The following UBR3 variants were observed in gnomAD, a reference collection of about 807,000 sequenced individuals.
UBR3 encodes the protein ubiquitin protein ligase E3 component n-recognin 3.
In UBR3, 85 loss-of-function variants were observed where a neutral mutation model predicts 243.2. The observed-to-expected ratio is 0.35, with a 90% CI of 0.29 to 0.42. UBR3 has a LOEUF of 0.42. Ranked by LOEUF, UBR3 falls within the 10% of genes least tolerant of loss-of-function variation. UBR3 has a pLI of 1.00. For synonymous variants in UBR3, 748 were observed against 799.8 expected (o/e 0.94, Z 1.09); for missense variants, 1,686 against 2,300.8 (o/e 0.73, Z 5.47).
At chr2:169,996,392 C>T (rs556530547) in intron 26 of UBR3, among the ~76,000 whole-genome samples, 2 of 152,250 alleles carry the variant, frequency 1.3e-5, no homozygotes, top group East Asian at 3.9e-4. Context: ...ATCTTTCATG[C>T]AGTAATCACC....
chr2:169,845,448 T>G lies in UBR3; in HGVS notation c.545+17396T>G, dbSNP rs539160633. 5.2e-4 allele frequency among the ~76,000 whole-genome samples: 55 copies of G among 105,588 alleles called. No homozygotes were observed. In the South Asian group the frequency reaches 0.012, roughly 23 times the overall value. 69.3% of individuals were successfully genotyped at this position (105,588 alleles called of 152,430 possible). ...AAAAAAAAAAAAAAGAAATTTTGAG[T>G]TTTTTTTTTTTCAGATTGTGACTAT... On this transcript the variant is annotated intron_variant, in intron 1 of 38. Coordinates refer to ENST00000272793, the MANE Select transcript of UBR3 (RefSeq NM_172070.4).
chr2:170,056,532 A>G (rs952251969), intron 33 of UBR3, among the ~76,000 whole-genome samples: 1 of 152,352 alleles, frequency 6.6e-6, no homozygotes, highest in Middle Eastern at 3.4e-3. Flanking sequence ...GACAGATAAA[A>G]GAAGAAAATT....
At chr2:169,856,024 C>T (rs1328998626) in intron 1 of UBR3, among the ~76,000 whole-genome samples, 1 of 152,056 alleles carries the variant, frequency 6.6e-6, no homozygotes, top group Non-Finnish European at 1.5e-5. Flanking sequence ...AGACGCTCCT[C>T]ACCTGCCAGA....
intron 1 of UBR3, among the ~76,000 whole-genome samples, chr2:169,841,783 G>C (rs925328047): frequency 6.6e-6 from 1 of 152,240 alleles, no homozygotes; most frequent in Non-Finnish European, 1.5e-5. Flanking sequence ...GGCAGGGCTC[G>C]GGACCTGCAG....
At chr2:170,080,299 C>T in intron 37 of UBR3, 2 of 566,882 alleles carry the variant, frequency 3.5e-6, no homozygotes, top group Non-Finnish European at 6.0e-6. Context: ...CAGAAGTCAT[C>T]TGTGCTGTTG....
At chr2:169,982,174 C>A (rs940317694) in intron 24 of UBR3, among the ~76,000 whole-genome samples, 10 of 152,104 alleles carry the variant, frequency 6.6e-5, no homozygotes, top group Admixed American at 5.2e-4. Flanking sequence ...TGCAAACCAG[C>A]TACTTGTGTT....
intron 10 of UBR3, among the ~76,000 whole-genome samples, chr2:169,907,353 T>C (rs891987099): frequency 5.3e-5 from 8 of 152,186 alleles, no homozygotes; most frequent in Non-Finnish European, 1.2e-4. Context: ...CCATATGATA[T>C]TTCCTTTTGT....
At chr2:169,909,454 C>CT (rs1463507615) in intron 10 of UBR3, among the ~76,000 whole-genome samples, 1 of 151,964 alleles carries the variant, frequency 6.6e-6, no homozygotes, top group African/African-American at 2.4e-5. Context: ...AAAAGTTGAG[C>CT]TTATAGAAGT....
chr2:169,911,398 T>C (rs1403059988), intron 10 of UBR3, among the ~76,000 whole-genome samples: 2 of 152,154 alleles, frequency 1.3e-5, no homozygotes, highest in African/African-American at 2.4e-5. Flanking sequence ...TGTACATCAT[T>C]TCACTTGCCT....
chr2:170,015,003 G>T, intron 29 of UBR3: 3 of 228,956 alleles, frequency 1.3e-5, no homozygotes, highest in Non-Finnish European at 1.7e-5. Context: ...CTAGTTTTTA[G>T]TATGTGCCAA....
At chr2:169,989,122 T>C (rs1363947715) in intron 25 of UBR3, among the ~76,000 whole-genome samples, 1 of 152,202 alleles carries the variant, frequency 6.6e-6, no homozygotes, top group Non-Finnish European at 1.5e-5. Context: ...TTAGAATTAT[T>C]TCGAAGCAGA....
At chr2:170,064,964 T>C (rs1206500464) in intron 35 of UBR3, among the ~76,000 whole-genome samples, 1 of 151,736 alleles carries the variant, frequency 6.6e-6, no homozygotes, top group Non-Finnish European at 1.5e-5. Flanking sequence ...TACCTCAGCC[T>C]TCCAAGTAGC....
chr2:169,934,373 T>C (rs1054160009), intron 19 of UBR3, among the ~76,000 whole-genome samples: 1 of 152,198 alleles, frequency 6.6e-6, no homozygotes, highest in Non-Finnish European at 1.5e-5. Flanking sequence ...TACTAGAAAT[T>C]TGTACTGAGA....
At chr2:169,962,003 A>G (rs553343706) in intron 24 of UBR3, among the ~76,000 whole-genome samples, 38 of 151,706 alleles carry the variant, frequency 2.5e-4, no homozygotes, top group African/African-American at 8.9e-4. Flanking sequence ...GCAGAAGTGA[A>G]GGTATATTGT....
intron 36 of UBR3, among the ~76,000 whole-genome samples, chr2:170,076,407 C>T (rs1377615210): frequency 6.6e-6 from 1 of 152,130 alleles, no homozygotes; most frequent in Non-Finnish European, 1.5e-5. Flanking sequence ...CTTATGACTG[C>T]AAATGCATCT....
At position 169,968,655 on chromosome 2, in the gene UBR3, A is replaced by G. The variant is rs866752613; in HGVS notation, c.3634+10129A>G. Among the ~76,000 whole-genome samples, 15 of 152,176 alleles carry G rather than the reference A, an allele frequency of 9.9e-5. No individual in the cohort carries two copies. In the South Asian group the frequency reaches 1.0e-3, roughly 11 times the overall value. ...TATTGTGATAACAATAAACATGGAC[A>G]CGCAGCTGGCTCTTCAATATACTGA... On this transcript the variant is annotated intron_variant, in intron 24 of 38. Transcript: ENST00000272793.
At chr2:169,878,238 G>A (rs1258122400) in intron 4 of UBR3, among the ~76,000 whole-genome samples, 1 of 152,076 alleles carries the variant, frequency 6.6e-6, no homozygotes, top group Non-Finnish European at 1.5e-5. Context: ...GCAGGCGCCT[G>A]TAAGCCCAGC....
Position 169,893,021 on chromosome 2 carries a change from A to C in UBR3, c.1105+1790A>C, listed in dbSNP as rs571951351. ...CAATTTGACTTAAGGTAGTTTACAC[A>C]TTGTTAAAAGTCATGTCAAGATTTA... On this transcript the variant is annotated intron_variant, in intron 6 of 38. Transcript: ENST00000272793. Among the ~76,000 whole-genome samples the C allele has an allele frequency of 3.3e-5, 5 of 152,356 alleles. No individual in the cohort carries two copies. In the South Asian group the frequency reaches 8.3e-4, roughly 25 times the overall value.
rs528876600 is a variant in UBR3 at position 170,016,045 on chromosome 2, A to C, written c.4453+679A>C. Among the ~76,000 whole-genome samples the C allele has an allele frequency of 8.6e-5, 13 of 151,998 alleles. No homozygotes were observed. The South Asian group carries it at 2.7e-3, about 31-fold the overall frequency. On this transcript the variant is annotated intron_variant, in intron 30 of 38. Transcript: ENST00000272793. ...GATCACTGAAGTTGAAATATTACCT[A>C]ATGTGATTGGTGTAGGAAATAAAAC...
Sources: gnomAD v4.1 joint callset for allele counts (sites outside exome capture counted in the v4.1 genomes callset) on GRCh38, gnomAD v4.1.1 for gene constraint, MANE v1.5 for transcripts, NCBI Gene and HGNC (gene_info 2026-07-23, HGNC 2026-07-21) for gene names.